Variants in PCYT1B observed in about 807,000 individuals in gnomAD.
PCYT1B encodes choline-phosphate cytidylyltransferase B.
In PCYT1B, 10 loss-of-function variants were observed where a neutral mutation model predicts 26.4. That is an observed-to-expected ratio of 0.38 (90% CI 0.23 to 0.64). The LOEUF (loss-of-function observed/expected upper bound fraction) is 0.64, where lower values mean the gene tolerates loss of function less well. Ranked by LOEUF, PCYT1B falls within the 30% of genes least tolerant of loss-of-function variation. The pLI is 0.56. For missense variants in PCYT1B, 161 were observed against 292.7 expected (o/e 0.55, Z 3.28); for synonymous variants, 131 against 108.4 (o/e 1.21, Z -1.29).
chrX:24,579,559 T>C (rs1924140370), intron 5 of PCYT1B, 101 bp from the exon 6 acceptor site: 1 of 738,698 alleles, frequency 1.4e-6, no homozygotes, highest in South Asian at 2.5e-5. Flanking sequence ...TTGGAGCTCC[T>C]GGGTATGCCA....
At chrX:24,616,508 G>A (rs1925504479) in intron 2 of PCYT1B, among the ~76,000 whole-genome samples, 1 of 111,239 alleles carries the variant, frequency 9.0e-6, no homozygotes, top group Non-Finnish European at 1.9e-5. Flanking sequence ...CAAAGTGCTG[G>A]GATTACAGGC....
chrX:24,612,079 T>C (rs1303965131), intron 2 of PCYT1B, among the ~76,000 whole-genome samples: 1 of 112,818 alleles, frequency 8.9e-6, no homozygotes, highest in Non-Finnish European at 1.9e-5. Flanking sequence ...AGCTGCCATG[T>C]TGTGAAAGGG....
intron 1 of PCYT1B, among the ~76,000 whole-genome samples, chrX:24,644,055 A>G (rs1926546379): frequency 8.9e-6 from 1 of 112,315 alleles, no homozygotes; most frequent in African/African-American, 3.2e-5. Flanking sequence ...AGATCAACAG[A>G]AACTACTAAA....
upstream of PCYT1B, among the ~76,000 whole-genome samples, chrX:24,651,466 AAAAAAAATATATAT>A (rs1196067665): frequency 1.0e-4 from 3 of 28,643 alleles, no homozygotes; most frequent in Admixed American, 4.8e-4. Flanking sequence ...AAAAAAAAAA[AAAAAAAATATATAT>A]ATATATATAT....
chrX:24,585,639 T>C (rs1924347102), intron 5 of PCYT1B, among the ~76,000 whole-genome samples: 1 of 110,993 alleles, frequency 9.0e-6, no homozygotes, highest in Admixed American at 9.6e-5. Context: ...TCTTGAGACC[T>C]CACAACTAAA....
chrX:24,587,210 G>C lies in PCYT1B; in HGVS notation c.565+31C>G, dbSNP rs142421826. 3.9e-3 allele frequency: 3,924 copies of C among 1,013,609 alleles called. 131 individuals are homozygous for C. The Admixed American group carries it at 0.078, about 20-fold the overall frequency. The allele number at this position is 1,013,609 out of a possible 1,213,427, so 83.5% of individuals were successfully genotyped here. A position where few individuals can be genotyped will look rare whatever the true frequency, so the allele number is the denominator to read the frequency against. On this transcript the variant is annotated intron_variant, in intron 5 of 7. Transcript: ENST00000379144. ...TATTGCACCTGATTATTGTGATGTG[G>C]TTGACAGGTGAGCACAGGGGAATGC...
rs1189527754 is a variant in PCYT1B, at chrX:24,558,314, T to C, written c.*3979A>G. On this transcript the variant is annotated 3_prime_UTR_variant, in exon 8 of 8. Coordinates refer to ENST00000379144, the MANE Select transcript of PCYT1B (RefSeq NM_004845.5). ...AGCATAGTCTTAAGTATGTATGCTC[T>C]ACTTATGGCTTTGTCCCTGGACACA... 8.9e-6 allele frequency: 1 copy of C among 112,230 alleles called. No homozygotes were observed. The highest frequency in any genetic ancestry group is 1.9e-5 in the Non-Finnish European group (1 of 53,224). The allele number at this position is 112,230 out of a possible 1,213,427, so 9.2% of individuals were successfully genotyped here. A position where few individuals can be genotyped will look rare whatever the true frequency, so the allele number is the denominator to read the frequency against.
upstream of PCYT1B, among the ~76,000 whole-genome samples, chrX:24,651,472 A>AAAAAATATAT (rs1555965467): frequency 1.5e-4 from 4 of 26,051 alleles, no homozygotes; most frequent in Non-Finnish European, 2.4e-4. Flanking sequence ...AAAAAAAAAA[A>AAAAAATATAT]ATATATATAT....
chrX:24,618,490 G>C (rs1331926987), intron 2 of PCYT1B, among the ~76,000 whole-genome samples: 2 of 111,397 alleles, frequency 1.8e-5, no homozygotes, highest in East Asian at 5.6e-4. Context: ...TCTTTTTCTT[G>C]GCTCCTTTGG....
chrX:24,570,030 A>T (rs756242589), intron 7 of PCYT1B, among the ~76,000 whole-genome samples: 59 of 108,014 alleles, frequency 5.5e-4, no homozygotes, highest in African/African-American at 1.8e-3. Context: ...CTAAAAATAT[A>T]AAAATTAGCT....
At chrX:24,582,440 C>T (rs1924236923) in intron 5 of PCYT1B, among the ~76,000 whole-genome samples, 3 of 111,958 alleles carry the variant, frequency 2.7e-5, no homozygotes, top group Admixed American at 9.5e-5. Flanking sequence ...ATGAGATACC[C>T]GGCTTCCTTC....
chrX:24,585,955 G>A (rs1440537345), intron 5 of PCYT1B, among the ~76,000 whole-genome samples: 1 of 110,698 alleles, frequency 9.0e-6, no homozygotes, highest in Non-Finnish European at 1.9e-5. Context: ...GCCTCAACCA[G>A]CTTGTCCTGC....
intron 2 of PCYT1B, among the ~76,000 whole-genome samples, chrX:24,614,230 C>T (rs1925411057): frequency 8.9e-6 from 1 of 112,112 alleles, no homozygotes; most frequent in South Asian, 3.7e-4. Context: ...TGTGACCTCA[C>T]AAACAAGGTC....
At chrX:24,661,988 A>T (rs1351556943) in intron 1 of PCYT1B, among the ~76,000 whole-genome samples, 1 of 111,222 alleles carries the variant, frequency 9.0e-6, no homozygotes, top group Non-Finnish European at 1.9e-5. Context: ...ACATGGTGAG[A>T]CTTCATCTCC....
Position 24,647,110 on chromosome X carries a change from A to G in PCYT1B, c.-5T>C, listed in dbSNP as rs755685423. 1.2e-5 allele frequency: 15 copies of G among 1,203,871 alleles called. No homozygotes were observed. The highest frequency in any genetic ancestry group is 1.7e-5 in the Non-Finnish European group (15 of 890,552). On this transcript the variant is annotated 5_prime_UTR_variant, in exon 1 of 8. Coordinates refer to ENST00000379144, the MANE Select transcript of PCYT1B (RefSeq NM_004845.5). The stretch of plus-strand genomic sequence containing the variant: ...ATCAGTGGTAACTACTGGCATGGCC[A>G]GTGAATGCTCCCTCTAGCTCTACAC...
intron 1 of PCYT1B, among the ~76,000 whole-genome samples, chrX:24,667,647 AT>A (rs750781043): frequency 3.7e-5 from 4 of 109,203 alleles, no homozygotes; most frequent in Non-Finnish European, 7.6e-5. Flanking sequence ...AACCCGGGAG[AT>A]GGAGGTTGCA....
chrX:24,647,469 G>A (rs1033184793), upstream of PCYT1B: 2 of 120,444 alleles, frequency 1.7e-5, no homozygotes, highest in African/African-American at 3.2e-5. Context: ...CCGTACCCAC[G>A]GGCCCGAACT....
intron 2 of PCYT1B, among the ~76,000 whole-genome samples, chrX:24,617,378 T>TG (rs1925537844): frequency 9.5e-6 from 1 of 105,670 alleles, no homozygotes; most frequent in South Asian, 4.0e-4. Context: ...TTTGTTTTTT[T>TG]TTTTGTTTGT....
intron 1 of PCYT1B, among the ~76,000 whole-genome samples, chrX:24,642,660 T>C (rs1369157356): frequency 2.7e-5 from 3 of 112,019 alleles, no homozygotes; most frequent in Non-Finnish European, 5.6e-5. Flanking sequence ...AGATACCTAA[T>C]AATAACCTTA....
Sources: allele counts gnomAD v4.1 joint callset (sites outside exome capture counted in the v4.1 genomes callset), GRCh38; gene constraint gnomAD v4.1.1; transcripts MANE v1.5; gene names NCBI Gene and HGNC (gene_info 2026-07-23, HGNC 2026-07-21).